Variants in STARD9 observed in about 807,000 individuals in gnomAD.
STARD9 encodes the protein StAR related lipid transfer domain containing 9, also known as stAR-related lipid transfer protein 9.
Under a neutral mutation model 399.8 loss-of-function variants are expected in STARD9, and 346 were observed. That is an observed-to-expected ratio of 0.87 (90% CI 0.79 to 0.95). STARD9 has a LOEUF of 0.95. Among genes scored for constraint, STARD9 ranks in the 40% least tolerant of loss-of-function variants. STARD9 has a pLI of 0.00. For missense variants in STARD9, 5,832 were observed against 5,667.5 expected (o/e 1.03, Z -0.93); for synonymous variants, 2,203 against 2,143.5 (o/e 1.03, Z -0.77).
intron 3 of STARD9, among the ~76,000 whole-genome samples, chr15:42,611,830 C>T (rs890186125): frequency 1.3e-5 from 2 of 152,130 alleles, no homozygotes; most frequent in African/African-American, 2.4e-5. Context: ...AGTCACACAG[C>T]CAAGCCACAT....
At position 42,684,347 on chromosome 15, in the gene STARD9, C is replaced by T; in HGVS notation, c.2769C>T (p.Thr923=). 1 of 1,536,422 alleles carries T rather than the reference C, an allele frequency of 6.5e-7. No homozygotes were observed. Among genetic ancestry groups the T allele is most frequent in the Non-Finnish European group, 8.7e-7 (1 of 1,146,386 alleles). Residue 923 remains threonine, a synonymous_variant, in exon 23 of 33, where the codon ACC becomes ACT. Transcript: ENST00000290607. ...CCTCAGCTCCAGACGCTTGCCTCACCATGAGTCCCAACTCTGTTGGCATCC... is the reference window on the plus strand; with the variant it reads ...CCTCAGCTCCAGACGCTTGCCTCACTATGAGTCCCAACTCTGTTGGCATCC... ...KGASAPDACL[T]MSPNSVGIQE...
intron 3 of STARD9, among the ~76,000 whole-genome samples, chr15:42,601,452 G>GC (rs71036695): frequency 2.0e-5 from 3 of 151,406 alleles, no homozygotes; most frequent in South Asian, 2.1e-4. Context: ...GGGCAGAGGC[G>GC]CCCCCCAACC....
intron 7 of STARD9, among the ~76,000 whole-genome samples, chr15:42,640,845 T>C (rs2059521726): frequency 7.0e-6 from 1 of 142,806 alleles, no homozygotes; most frequent in Admixed American, 7.0e-5. Context: ...AAAAAGTCTG[T>C]GTGTGTATGT....
chr15:42,601,951 A>T (rs2058639492), intron 3 of STARD9, among the ~76,000 whole-genome samples: 1 of 152,138 alleles, frequency 6.6e-6, no homozygotes, highest in Admixed American at 6.5e-5. Context: ...GGTTCAGGTG[A>T]TTCTCCTGCC....
chr15:42,652,516 A>G lies in STARD9; in HGVS notation c.630-4A>G, dbSNP rs1595710498. The G allele has an allele frequency of 4.6e-6, 7 of 1,537,326 alleles. No individual in the cohort carries two copies. Among genetic ancestry groups the G allele is most frequent in the Non-Finnish European group, 6.1e-6 (7 of 1,146,884 alleles). The stretch of plus-strand genomic sequence containing the variant: ...GTCCTAACAGTTTTTCCTTGTATAC[A>G]CAGAATCACAGCAGCCACCCATGTT... On this transcript the variant is annotated splice_polypyrimidine_tract_variant and splice_region_variant and intron_variant, in intron 8 of 32. Transcript: ENST00000290607.
Position 42,663,429 on chromosome 15 carries a change from T to C in STARD9, c.1017T>C (p.Ser339=). The stretch of plus-strand genomic sequence containing the variant: ...AGTCTTATATCCCATACCGAGACTC[T>C]GTGTTGACCTGGCTGCTGAAGGACA... ...RRQSYIPYRD[S]VLTWLLKDSL... is the part of the protein sequence containing the mutation. The change falls in exon 12 of 33, where the codon TCT becomes TCC. Residue 339 remains serine (S), a synonymous_variant. Transcript: ENST00000290607. The C allele has an allele frequency of 6.5e-7, 1 of 1,536,774 alleles. No individual in the cohort carries two copies. Among genetic ancestry groups the C allele is most frequent in the Non-Finnish European group, 8.7e-7 (1 of 1,146,442 alleles).
At chr15:42,718,200 C>G in intron 30 of STARD9, 21 bp downstream of exon 30, 1 of 1,531,274 alleles carries the variant, frequency 6.5e-7, no homozygotes, top group South Asian at 1.2e-5. Context: ...GGAAGGAAGG[C>G]TTCCATGGGG....
At chr15:42,620,693 G>A (rs1240550863) in intron 3 of STARD9, among the ~76,000 whole-genome samples, 1 of 151,898 alleles carries the variant, frequency 6.6e-6, no homozygotes, top group Non-Finnish European at 1.5e-5. Context: ...TAACACTTAC[G>A]AAGATTACAG....
In STARD9 at chr15:42,665,455, C is replaced by T. The variant is rs561013826; in HGVS notation, c.1254+125C>T. On this transcript the variant is annotated intron_variant, in intron 14 of 32. Transcript: ENST00000290607. ...TCAATTGACTCTCTTACGGCAGAGA[C>T]AGGAGCAAAGACAAAACAGAGATTT... is the stretch of plus-strand genomic sequence containing the variant. 1.7e-5 allele frequency: 13 copies of T among 771,390 alleles called. 1 individual carries two copies. Among genetic ancestry groups the T allele is most frequent in the Admixed American group, 1.6e-4 (6 of 38,370 alleles). The allele number at this position is 771,390 out of a possible 1,614,324, so 47.8% of individuals were successfully genotyped here.
chr15:42,608,156 G>A (rs139552501), intron 3 of STARD9, among the ~76,000 whole-genome samples: 37 of 152,298 alleles, frequency 2.4e-4, no homozygotes, highest in African/African-American at 6.7e-4. Flanking sequence ...GCTATGAAGG[G>A]CTGAGGTGTA....
chr15:42,676,832 T>A (rs1020693710), intron 20 of STARD9, among the ~76,000 whole-genome samples: 1 of 152,116 alleles, frequency 6.6e-6, no homozygotes, highest in African/African-American at 2.4e-5. Flanking sequence ...TCAGTAGTTA[T>A]GATGGCCCGT....
intron 26 of STARD9, among the ~76,000 whole-genome samples, chr15:42,703,054 T>C (rs1223451555): frequency 4.6e-5 from 7 of 152,176 alleles, no homozygotes; most frequent in Non-Finnish European, 8.8e-5. Flanking sequence ...CATAGTCTCC[T>C]AAAGTGTTGG....
chr15:42,602,019 A>G (rs2058640631), intron 3 of STARD9, among the ~76,000 whole-genome samples: 1 of 152,046 alleles, frequency 6.6e-6, no homozygotes, highest in African/African-American at 2.4e-5. Flanking sequence ...GCTCGTTTTT[A>G]TATTTTTAGT....
chr15:42,629,953 A>G (rs568887363), intron 3 of STARD9: 2 of 149,890 alleles, frequency 1.3e-5, no homozygotes, highest in South Asian at 4.2e-4. Context: ...TCATCCTTGC[A>G]TCCCTAGGAT....
chr15:42,616,299 T>C (rs1441889890), intron 3 of STARD9, among the ~76,000 whole-genome samples: 1 of 152,272 alleles, frequency 6.6e-6, no homozygotes, highest in African/African-American at 2.4e-5. Flanking sequence ...TCAGATTTTA[T>C]TACTTTTGGC....
chr15:42,682,282 G>C lies in STARD9; in HGVS notation c.2244G>C (p.Leu748=). The C allele has an allele frequency of 6.5e-7, 1 of 1,537,288 alleles. No homozygotes were observed. The highest frequency in any genetic ancestry group is 8.7e-7 in the Non-Finnish European group (1 of 1,146,908). ...FVQSQKRVVH[L]QLLRRHTLRA... ...AAAGTCAGAAAAGGGTGGTGCACCT[G>C]CAGCTCCTGCGGAGACACACTCTTC... The change falls in exon 22 of 33, where the codon CTG becomes CTC. Residue 748 remains leucine (L), a synonymous_variant. Transcript: ENST00000290607.
At chr15:42,623,125 G>A (rs755129097) in intron 3 of STARD9, among the ~76,000 whole-genome samples, 1 of 152,152 alleles carries the variant, frequency 6.6e-6, no homozygotes, top group Non-Finnish European at 1.5e-5. Context: ...GGTGGTGCAT[G>A]CCTGTAATCC....
intron 3 of STARD9, among the ~76,000 whole-genome samples, chr15:42,629,249 C>A (rs374246761): frequency 5.3e-5 from 8 of 152,112 alleles, no homozygotes; most frequent in Admixed American, 5.2e-4. Context: ...TCAACTCTTG[C>A]ACTCAAGGGA....
At chr15:42,677,811 A>G (rs757240199) in intron 20 of STARD9, among the ~76,000 whole-genome samples, 1 of 152,158 alleles carries the variant, frequency 6.6e-6, no homozygotes, top group Non-Finnish European at 1.5e-5. Context: ...GACACACCCC[A>G]CAGCCCCTAT....
Sources: allele counts gnomAD v4.1 joint callset (sites outside exome capture counted in the v4.1 genomes callset), GRCh38; gene constraint gnomAD v4.1.1; transcripts MANE v1.5; gene names NCBI Gene and HGNC (gene_info 2026-07-23, HGNC 2026-07-21).